The following TASOR variants were observed in gnomAD, a reference collection of about 807,000 sequenced individuals.
TASOR encodes the protein protein TASOR.
In TASOR, 53 loss-of-function variants were observed where a neutral mutation model predicts 178.6. That is an observed-to-expected ratio of 0.30 (90% CI 0.24 to 0.37). TASOR has a LOEUF of 0.37. Among genes scored for constraint, TASOR ranks in the 10% least tolerant of loss-of-function variants. The probability of loss-of-function intolerance (pLI) is 1.00; values close to 1 mark genes in which losing one functional copy is unlikely to be tolerated. For synonymous variants in TASOR, 713 were observed against 696.2 expected, an observed-to-expected ratio of 1.02 and a Z score of -0.38; for missense variants, 1,815 against 1,971.4, an observed-to-expected ratio of 0.92 and a Z score of 1.50.
At chr3:56,659,467 G>A (rs2107607536) in intron 11 of TASOR, among the ~76,000 whole-genome samples, 1 of 152,168 alleles carries the variant, frequency 6.6e-6, no homozygotes, top group Middle Eastern at 3.4e-3. Flanking sequence ...ACAATCTGAT[G>A]TTTGACCCAA....
At chr3:56,680,584 A>G (rs534017377) in intron 1 of TASOR, among the ~76,000 whole-genome samples, 2 of 152,158 alleles carry the variant, frequency 1.3e-5, no homozygotes, top group South Asian at 4.2e-4. Flanking sequence ...TTTTTTTAAT[A>G]AAGTTGAATT....
At chr3:56,669,978 GAATTT>G in intron 4 of TASOR, 90 bp downstream of exon 4, 1 of 941,836 alleles carries the variant, frequency 1.1e-6, no homozygotes, top group Non-Finnish European at 1.6e-6. Flanking sequence ...AATAAAGCAT[GAATTT>G]AATAACAACT....
chr3:56,653,043 T>C (rs2077384761), intron 11 of TASOR, among the ~76,000 whole-genome samples: 1 of 151,748 alleles, frequency 6.6e-6, no homozygotes, highest in Admixed American at 6.6e-5. Context: ...GGCCAGTGGA[T>C]CACCTGAGGT....
In TASOR at chr3:56,648,867, G is replaced by C. The variant is rs150826687; in HGVS notation, c.1468C>G (p.Leu490Val). ...YEYQTAKSRV[L>V]HALFLFQEPR... ...TCTTGAAATAGAAACAAAGCATGTA[G>C]GACTCGAGACTTGGCAGTCTGATAT... The change falls in exon 13 of 24, where the codon CTA becomes GTA. Residue 490 changes from leucine to valine, a missense_variant. By Grantham distance (32) the Leu-to-Val change is conservative (BLOSUM62 1). Transcript: ENST00000683822. 10 of 1,612,306 alleles carry C rather than the reference G, an allele frequency of 6.2e-6. No individual in the cohort carries two copies. In the South Asian group the frequency reaches 7.7e-5, roughly 12 times the overall value.
chr3:56,667,679 T>G (rs1200874558), intron 6 of TASOR, among the ~76,000 whole-genome samples: 1 of 151,574 alleles, frequency 6.6e-6, no homozygotes, highest in African/African-American at 2.4e-5. Context: ...TACTAATAAT[T>G]AAAAAACAAG....
intron 21 of TASOR, among the ~76,000 whole-genome samples, chr3:56,626,129 T>C (rs1368335703): frequency 6.6e-6 from 1 of 152,228 alleles, no homozygotes; most frequent in Non-Finnish European, 1.5e-5. Context: ...TTCTTTTAAC[T>C]AGAGTTCTTC....
intron 17 of TASOR, among the ~76,000 whole-genome samples, chr3:56,635,167 C>T (rs1338940954): frequency 1.3e-5 from 2 of 152,186 alleles, no homozygotes; most frequent in Non-Finnish European, 2.9e-5. Flanking sequence ...GAGCTTATGA[C>T]ATTCTCTACC....
rs2031966706 is a variant in TASOR at position 56,683,247 on chromosome 3, C to T, written c.-241G>A. 2.3e-6 allele frequency: 1 copy of T among 428,306 alleles called. No homozygotes were observed. The highest frequency in any genetic ancestry group is 6.3e-5 in the South Asian group (1 of 15,830). 26.5% of individuals were successfully genotyped at this position (428,306 alleles called of 1,614,324 possible). A position where few individuals can be genotyped will look rare whatever the true frequency, so the allele number is the denominator to read the frequency against. On this transcript the variant is annotated 5_prime_UTR_variant, in exon 1 of 24. Transcript: ENST00000683822. ...CTCGGGCAGTTCTTCTGCCTTCCCC[C>T]GCCACTCAACGTGCGCGCGTCGGGG...
At chr3:56,628,698 T>TAA (rs970569535) in intron 18 of TASOR, 84 bp from the exon 19 acceptor site, 2 of 855,570 alleles carry the variant, frequency 2.3e-6, no homozygotes, top group Non-Finnish European at 3.6e-6. Context: ...GATAAACTGA[T>TAA]AAGCTTAACT....
At position 56,670,940 on chromosome 3, in the gene TASOR, C is replaced by CAAAAAA. The variant is rs11300845; in HGVS notation, c.570+654_570+659dup. 1.0e-3 allele frequency among the ~76,000 whole-genome samples: 56 copies of CAAAAAA among 54,190 alleles called. 3 individuals are homozygous for CAAAAAA. The highest frequency in any genetic ancestry group is 3.5e-3 in the South Asian group (4 of 1,128). 35.6% of individuals were successfully genotyped at this position (54,190 alleles called of 152,430 possible). A position where few individuals can be genotyped will look rare whatever the true frequency, so the allele number is the denominator to read the frequency against. On this transcript the variant is annotated intron_variant, in intron 3 of 23. Coordinates refer to ENST00000683822, the MANE Select transcript of TASOR (RefSeq NM_001365635.2). Reference sequence around the variant, plus strand: ...TGAGCAACAGAGTGAGACTCCATCTCAAAAAAAAAAAAAAAAAAAAAAGGA... The same window carrying CAAAAAA: ...TGAGCAACAGAGTGAGACTCCATCTCAAAAAAAAAAAAAAAAAAAAAAAAAAAAGGA...
At chr3:56,645,357 G>C (rs1225481025) in intron 14 of TASOR, among the ~76,000 whole-genome samples, 1 of 152,146 alleles carries the variant, frequency 6.6e-6, no homozygotes, top group African/African-American at 2.4e-5. Context: ...AGTGTAAAAA[G>C]ACACTGATCT....
chr3:56,643,194 C>T (rs1457372982), intron 14 of TASOR, among the ~76,000 whole-genome samples: 2 of 150,818 alleles, frequency 1.3e-5, no homozygotes, highest in Non-Finnish European at 3.0e-5. Context: ...ACCCAGGAGG[C>T]AGAGGTTGCA....
chr3:56,624,172 T>C (rs1338651152), intron 23 of TASOR, among the ~76,000 whole-genome samples: 2 of 152,130 alleles, frequency 1.3e-5, no homozygotes, highest in Non-Finnish European at 2.9e-5. Context: ...TTGCTGACAA[T>C]AGTAACCAAT....
rs759027720 is a variant in TASOR, at chr3:56,633,158, C to T, written c.3633G>A (p.Gln1211=). Residue 1211 remains glutamine (Q), a synonymous_variant, in exon 18 of 24, where the codon CAG becomes CAA. Coordinates refer to ENST00000683822, the MANE Select transcript of TASOR (RefSeq NM_001365635.2). ...AQPALSNFIS[Q]LEPEVFNSLV... is the part of the protein sequence containing the mutation. ...AACTATTAAATACTTCAGGTTCTAA[C>T]TGGCTTATAAAATTTGAAAGAGCTG... The T allele has an allele frequency of 1.2e-6, 2 of 1,614,048 alleles. No individual in the cohort carries two copies. Among genetic ancestry groups the T allele is most frequent in the Admixed American group, 1.7e-5 (1 of 59,986 alleles).
chr3:56,624,494 G>A lies in TASOR; in HGVS notation c.4468C>T (p.Leu1490Phe). The A allele has an allele frequency of 1.2e-6, 2 of 1,612,704 alleles. No individual in the cohort carries two copies. The highest frequency in any genetic ancestry group is 2.2e-5 in the South Asian group (2 of 90,788). ...NLPQLGANEN[L>F]ESQSALLEND... is the part of the protein sequence containing the mutation. ...GAAAAGTTACCTGACTGCGACTCAA[G>A]ATTCTCATTAGCACCAAGCTGTGGA... The change falls in exon 23 of 24, where the codon CTT (leucine) becomes TTT (phenylalanine). Residue 1490 changes from leucine to phenylalanine, a missense_variant. Coordinates refer to ENST00000683822, the MANE Select transcript of TASOR (RefSeq NM_001365635.2).
intron 15 of TASOR, among the ~76,000 whole-genome samples, chr3:56,641,031 T>C (rs935848884): frequency 2.6e-5 from 4 of 152,200 alleles, no homozygotes; most frequent in African/African-American, 9.7e-5. Flanking sequence ...ATAATTCAAC[T>C]TCATTATGAA....
In TASOR at chr3:56,641,587, T is replaced by G; in HGVS notation, c.2381A>C (p.Asn794Thr). The part of the protein sequence containing the change: ...HSDASLTDTV[N>T]KALGLSTDDA... ...ATCAGTGCTCAATCCTAAGGCTTTGTTGACTGTGTCTGTCAGAGATGCATC... is the reference window on the plus strand; with the variant it reads ...ATCAGTGCTCAATCCTAAGGCTTTGGTGACTGTGTCTGTCAGAGATGCATC... Residue 794 changes from asparagine to threonine, a missense_variant, in exon 15 of 24, where the codon AAC (asparagine) becomes ACC (threonine). This residue lies in a region of TASOR where 655 missense variants were observed against 671.1 expected (regional missense o/e 0.98). Coordinates refer to ENST00000683822, the MANE Select transcript of TASOR (RefSeq NM_001365635.2). 1.2e-6 allele frequency: 2 copies of G among 1,614,204 alleles called. No individual in the cohort carries two copies. Among genetic ancestry groups the G allele is most frequent in the South Asian group, 1.1e-5 (1 of 91,086 alleles).
In TASOR at chr3:56,662,406, C is replaced by T. The variant is rs1050334207; in HGVS notation, c.1139G>A (p.Arg380His). 29 of 1,548,294 alleles carry T rather than the reference C, an allele frequency of 1.9e-5. No homozygotes were observed. Among genetic ancestry groups the T allele is most frequent in the African/African-American group, 8.2e-5 (6 of 72,882 alleles). Residue 380 changes from arginine to histidine, a missense_variant, in exon 9 of 24, where the codon CGT becomes CAT. By Grantham distance (29) the Arg-to-His change is conservative (BLOSUM62 0). Coordinates refer to ENST00000683822, the MANE Select transcript of TASOR (RefSeq NM_001365635.2). ...TTACAGTTTGATAGGCAAAAAAGCACGAGTGGCTGACCTCAGAGAAATATA... is the reference window on the plus strand; with the variant it reads ...TTACAGTTTGATAGGCAAAAAAGCATGAGTGGCTGACCTCAGAGAAATATA... The part of the protein sequence containing the change: ...LCYISLRSAT[R>H]AFLPIKLPEK...
Position 56,622,796 on chromosome 3 carries a change from G to C in TASOR, c.*241C>G. 3.5e-6 allele frequency: 1 copy of C among 282,498 alleles called. No individual in the cohort carries two copies. Among genetic ancestry groups the C allele is most frequent in the Non-Finnish European group, 6.4e-6 (1 of 155,252 alleles). The allele number at this position is 282,498 out of a possible 1,614,324, so 17.5% of individuals were successfully genotyped here. A position where few individuals can be genotyped will look rare whatever the true frequency, so the allele number is the denominator to read the frequency against. On this transcript the variant is annotated 3_prime_UTR_variant, in exon 24 of 24. Coordinates refer to ENST00000683822, the MANE Select transcript of TASOR (RefSeq NM_001365635.2). ...AAACAGGCTTCAATTTGAAGCCTAA[G>C]TACAGGTAACATACAAAAAGTAAAA... is the stretch of plus-strand genomic sequence containing the variant.
Sources: gnomAD v4.1 joint callset for allele counts (sites outside exome capture counted in the v4.1 genomes callset) on GRCh38, gnomAD v4.1.1 for gene constraint, gnomAD v4.1.1 regional missense constraint, MANE v1.5 for transcripts, NCBI Gene and HGNC (gene_info 2026-07-23, HGNC 2026-07-21) for gene names.